EEFSEC: variants seen among roughly 807,000 people sequenced by gnomAD.
The protein encoded by EEFSEC is eukaryotic elongation factor, selenocysteine-tRNA specific, also known as selenocysteine-specific elongation factor.
Under a neutral mutation model 42.1 loss-of-function variants are expected in EEFSEC, and 43 were observed. The ratio of observed to expected loss-of-function variants is 1.02; its 90% confidence interval spans 0.80 to 1.32. EEFSEC has a LOEUF of 1.32. Ranked by LOEUF, EEFSEC falls within the 40% of genes most tolerant of loss-of-function variation. The pLI is 0.00. For synonymous variants in EEFSEC, 354 were observed against 339.1 expected (o/e 1.04, Z -0.48); for missense variants, 745 against 803.6 (o/e 0.93, Z 0.88).
At chr3:128,174,011 C>T (rs2065324392) in intron 1 of EEFSEC, among the ~76,000 whole-genome samples, 1 of 152,134 alleles carries the variant, frequency 6.6e-6, no homozygotes, top group South Asian at 2.1e-4. Flanking sequence ...TGGTGGGGAC[C>T]CAACTGCAAG....
At chr3:128,244,015 G>C (rs2066100853) in intron 1 of EEFSEC, among the ~76,000 whole-genome samples, 1 of 152,202 alleles carries the variant, frequency 6.6e-6, no homozygotes, top group Non-Finnish European at 1.5e-5. Context: ...AATTACTCTG[G>C]AGAAGTCCTT....
At chr3:128,246,246 A>G (rs111773134) in intron 1 of EEFSEC, among the ~76,000 whole-genome samples, 1 of 151,834 alleles carries the variant, frequency 6.6e-6, no homozygotes, top group African/African-American at 2.4e-5. Flanking sequence ...ACACACACAC[A>G]CACACGCACA....
chr3:128,303,827 T>C (rs1433535350), intron 4 of EEFSEC, among the ~76,000 whole-genome samples: 1 of 152,216 alleles, frequency 6.6e-6, no homozygotes, highest in African/African-American at 2.4e-5. Context: ...TTTCATTCTT[T>C]TGCATGTAGC....
intron 4 of EEFSEC, among the ~76,000 whole-genome samples, chr3:128,282,910 C>T (rs1053203674): frequency 6.6e-6 from 1 of 152,236 alleles, no homozygotes; most frequent in Admixed American, 6.5e-5. Context: ...GCAAGCAGGG[C>T]TGGCCGGAAG....
intron 3 of EEFSEC, 47 bp downstream of exon 3, chr3:128,262,271 C>T: frequency 6.5e-7 from 1 of 1,536,278 alleles, no homozygotes; most frequent in South Asian, 1.1e-5. Context: ...CAGCGCTGCT[C>T]AGGCCAGCCC....
At chr3:128,189,441 C>G (rs1156745614) in intron 1 of EEFSEC, among the ~76,000 whole-genome samples, 1 of 152,150 alleles carries the variant, frequency 6.6e-6, no homozygotes, top group East Asian at 1.9e-4. Flanking sequence ...CTACTGTGCT[C>G]AGTCTTATAG....
At chr3:128,174,803 A>G (rs2065331885) in intron 1 of EEFSEC, among the ~76,000 whole-genome samples, 1 of 152,174 alleles carries the variant, frequency 6.6e-6, no homozygotes, top group Non-Finnish European at 1.5e-5. Context: ...CTGTAGGGTT[A>G]GTGCACTGCA....
intron 6 of EEFSEC, among the ~76,000 whole-genome samples, chr3:128,393,317 TG>T (rs2067938962): frequency 6.6e-6 from 1 of 152,172 alleles, no homozygotes; most frequent in African/African-American, 2.4e-5. Context: ...GGGACAGACC[TG>T]GGAAAGAGGC....
chr3:128,415,126 T>C, the EEFSEC span, among the ~76,000 whole-genome samples: 10 of 151,666 alleles, frequency 6.6e-5, no homozygotes, highest in Non-Finnish European at 1.3e-4. Context: ...GAATTTGGCT[T>C]GGAAAGCCTC....
At chr3:128,388,179 T>C (rs926301845) in intron 6 of EEFSEC, among the ~76,000 whole-genome samples, 1 of 151,978 alleles carries the variant, frequency 6.6e-6, no homozygotes, top group East Asian at 1.9e-4. Flanking sequence ...GCTCTTAGAG[T>C]CTTCCTTTTT....
chr3:128,242,908 G>A (rs2066086924), intron 1 of EEFSEC, among the ~76,000 whole-genome samples: 1 of 152,090 alleles, frequency 6.6e-6, no homozygotes, highest in Non-Finnish European at 1.5e-5. Flanking sequence ...TCTAGTCTCA[G>A]AGCGATTTTC....
At chr3:128,287,719 C>T (rs978766883) in intron 4 of EEFSEC, among the ~76,000 whole-genome samples, 2 of 152,164 alleles carry the variant, frequency 1.3e-5, no homozygotes, top group African/African-American at 4.8e-5. Flanking sequence ...GCAATAACTA[C>T]AGCATTTATC....
At chr3:128,333,607 T>C (rs2067157302) in intron 4 of EEFSEC, among the ~76,000 whole-genome samples, 1 of 152,208 alleles carries the variant, frequency 6.6e-6, no homozygotes, top group Admixed American at 6.5e-5. Flanking sequence ...GTAAAGATTT[T>C]CCCCATCATA....
At chr3:128,302,730 C>A (rs2066783825) in intron 4 of EEFSEC, among the ~76,000 whole-genome samples, 1 of 151,736 alleles carries the variant, frequency 6.6e-6, no homozygotes, top group Non-Finnish European at 1.5e-5. Flanking sequence ...TTCTTTATAA[C>A]CATTATTAAC....
At chr3:128,246,588 C>T (rs770456176) in intron 1 of EEFSEC, among the ~76,000 whole-genome samples, 3 of 152,156 alleles carry the variant, frequency 2.0e-5, no homozygotes, top group Admixed American at 6.5e-5. Flanking sequence ...AGCCCTATTG[C>T]GTGTTAGCAG....
chr3:128,411,253 C>G (rs1261171853), downstream of EEFSEC, among the ~76,000 whole-genome samples: 1 of 152,244 alleles, frequency 6.6e-6, no homozygotes, highest in Non-Finnish European at 1.5e-5. Context: ...CTTGGGCAAC[C>G]CCAGGCCCGC....
chr3:128,160,471 A>G (rs977415159), intron 1 of EEFSEC, among the ~76,000 whole-genome samples: 2 of 150,510 alleles, frequency 1.3e-5, no homozygotes, highest in African/African-American at 2.4e-5. Flanking sequence ...GATTTTTCCT[A>G]AGGGTCCTGG....
chr3:128,339,022 T>A (rs1230013263), intron 4 of EEFSEC, among the ~76,000 whole-genome samples: 1 of 152,152 alleles, frequency 6.6e-6, no homozygotes, highest in Non-Finnish European at 1.5e-5. Flanking sequence ...AGGGAAGAGT[T>A]GTGACCTGGG....
At chr3:128,207,605 G>A (rs1432614139) in intron 1 of EEFSEC, among the ~76,000 whole-genome samples, 1 of 129,962 alleles carries the variant, frequency 7.7e-6, no homozygotes, top group South Asian at 2.7e-4. Context: ...ACACACACAC[G>A]CTTAACAAGA....
Sources: allele counts gnomAD v4.1 joint callset (sites outside exome capture counted in the v4.1 genomes callset), GRCh38; gene constraint gnomAD v4.1.1; transcripts MANE v1.5; gene names NCBI Gene and HGNC (gene_info 2026-07-23, HGNC 2026-07-21).